Variants in GPHN observed in about 807,000 individuals in gnomAD.
The protein encoded by GPHN is gephyrin.
GPHN carries 17 observed loss-of-function variants against 95.5 expected under a neutral mutation model. The ratio of observed to expected loss-of-function variants is 0.18; its 90% CI spans 0.12 to 0.27. GPHN has a LOEUF of 0.27. Ranked by LOEUF, GPHN falls within the 10% of genes least tolerant of loss-of-function variation. The pLI, the probability that GPHN is intolerant of heterozygous loss-of-function variation, is 1.00. For synonymous variants in GPHN, 320 were observed against 322.5 expected (o/e 0.99, Z 0.08); for missense variants, 660 against 978.1 (o/e 0.67, Z 4.34).
intron 5 of GPHN, among the ~76,000 whole-genome samples, chr14:66,907,309 A>G (rs2065434458): frequency 6.6e-6 from 1 of 152,222 alleles, no homozygotes; most frequent in African/African-American, 2.4e-5. Context: ...TGCTGAGTAA[A>G]AGAAGCCAGT....
Position 66,573,973 on chromosome 14 carries a change from G to A in GPHN, c.64+65382G>A, listed in dbSNP as rs567044866. ...TTTTTTTTTAAATATCCATTCAGCC[G>A]CTCTGTCTTTTGATTCAGGAATCAG... On this transcript the variant is annotated intron_variant, in intron 1 of 22. Transcript: ENST00000478722. Among the ~76,000 whole-genome samples, 8 of 152,042 alleles carry A rather than the reference G, an allele frequency of 5.3e-5. No homozygotes were observed. In the South Asian group the frequency reaches 8.3e-4, roughly 16 times the overall value.
the GPHN span, chr14:67,578,023 T>G: frequency 2.5e-6 from 4 of 1,612,900 alleles, no homozygotes; most frequent in Middle Eastern, 1.7e-4. This position sits in a 1 kb window ranked among gnomAD's most constrained non-coding sequence, Gnocchi z 5.0. Flanking sequence ...TCCCTCCCAG[T>G]CCTGCCAGCT....
the GPHN span, chr14:67,578,647 C>T: frequency 7.9e-6 from 12 of 1,513,328 alleles, no homozygotes; most frequent in African/African-American, 5.5e-5. The surrounding 1 kb of genome is among the most constrained non-coding windows in gnomAD (Gnocchi z 5.0). Flanking sequence ...TGAACCTGGC[C>T]GTTTCCTCTG....
intron 22 of GPHN, 100 bp downstream of exon 22, chr14:67,179,774 A>G: frequency 2.7e-6 from 2 of 745,396 alleles, no homozygotes; most frequent in South Asian, 3.0e-5. Flanking sequence ...TGTAATTATT[A>G]TACATTTTTC....
At chr14:67,600,966 T>C in the GPHN span, among the ~76,000 whole-genome samples, 1 of 152,242 alleles carries the variant, frequency 6.6e-6, no homozygotes, top group Non-Finnish European at 1.5e-5. Context: ...CGGGTATTCA[T>C]TTCACTTACT....
intron 1 of GPHN, among the ~76,000 whole-genome samples, chr14:66,581,655 C>G (rs976271049): frequency 6.6e-6 from 1 of 151,856 alleles, no homozygotes. Context: ...GAGAATCACT[C>G]TCACCTTTAA....
the GPHN span, among the ~76,000 whole-genome samples, chr14:67,202,276 CCTAAAAATACAAAAATTAGCCGGG>C: frequency 6.6e-6 from 1 of 152,158 alleles, no homozygotes; most frequent in South Asian, 2.1e-4. Context: ...CCCCGTCTCT[CCTAAAAATACAAAAATTAGCCGGG>C]CTTGGTGGCA....
the GPHN span, chr14:67,271,432 G>A: frequency 1.3e-5 from 2 of 152,210 alleles, no homozygotes. Context: ...TTCAGAGATG[G>A]GTCAGCCTGG....
At chr14:66,693,707 A>C (rs1007430451) in intron 2 of GPHN, among the ~76,000 whole-genome samples, 1 of 152,174 alleles carries the variant, frequency 6.6e-6, no homozygotes, top group Non-Finnish European at 1.5e-5. Context: ...CTCCTCTGGA[A>C]ACATTCTCAC....
chr14:66,817,502 ATTG>A (rs780656288), intron 3 of GPHN, among the ~76,000 whole-genome samples: 8 of 152,310 alleles, frequency 5.3e-5, no homozygotes, highest in Non-Finnish European at 1.2e-4. Flanking sequence ...TTTGTATTGT[ATTG>A]TTACATTAAA....
intron 1 of GPHN, among the ~76,000 whole-genome samples, chr14:66,592,333 C>A (rs878855924): frequency 1.3e-5 from 2 of 151,868 alleles, no homozygotes; most frequent in East Asian, 1.9e-4. Context: ...AGCTTCTGCA[C>A]AGCAAAAGAA....
At chr14:67,014,017 T>C (rs2073158792) in intron 9 of GPHN, among the ~76,000 whole-genome samples, 1 of 152,070 alleles carries the variant, frequency 6.6e-6, no homozygotes, top group Non-Finnish European at 1.5e-5. Context: ...CAATATTTTC[T>C]GAAAACTTCC....
downstream of GPHN, among the ~76,000 whole-genome samples, chr14:67,183,110 A>G (rs2083346296): frequency 6.6e-6 from 1 of 152,188 alleles, no homozygotes; most frequent in East Asian, 1.9e-4. Flanking sequence ...AATGATAATT[A>G]TTTTATTATA....
chr14:66,691,198 T>A (rs1371365502), intron 2 of GPHN, among the ~76,000 whole-genome samples: 1 of 151,930 alleles, frequency 6.6e-6, no homozygotes, highest in Non-Finnish European at 1.5e-5. Context: ...TTTTTTTTTT[T>A]ATTTTTAGAT....
chr14:67,319,821 TGTATTCAGC>T, the GPHN span, among the ~76,000 whole-genome samples: 1 of 152,222 alleles, frequency 6.6e-6, no homozygotes, highest in African/African-American at 2.4e-5. Flanking sequence ...TGCTAGCCAT[TGTATTCAGC>T]GTATACATTA....
chr14:66,764,771 T>A (rs1002935587), intron 2 of GPHN, among the ~76,000 whole-genome samples: 2 of 152,056 alleles, frequency 1.3e-5, no homozygotes, highest in South Asian at 4.2e-4. Context: ...TAGCACAAAT[T>A]TAAAATATAA....
chr14:66,551,588 A>G (rs1848258492), intron 1 of GPHN, among the ~76,000 whole-genome samples: 1 of 152,208 alleles, frequency 6.6e-6, no homozygotes, highest in South Asian at 2.1e-4. Flanking sequence ...AGACACCTGT[A>G]TTAGTCCATT....
At chr14:67,727,372 T>G in the GPHN span, 1 of 626,992 alleles carries the variant, frequency 1.6e-6, no homozygotes. Flanking sequence ...TAAAATCAAA[T>G]AGGGGTTAAG....
chr14:66,648,926 A>G (rs1282882613), intron 1 of GPHN, among the ~76,000 whole-genome samples: 1 of 152,214 alleles, frequency 6.6e-6, no homozygotes, highest in African/African-American at 2.4e-5. Context: ...GAAATCCCCA[A>G]TACTGAGACA....
Sources: allele counts gnomAD v4.1 joint callset (sites outside exome capture counted in the v4.1 genomes callset), GRCh38; gene constraint gnomAD v4.1.1; non-coding constraint Gnocchi (gnomAD v3.1); transcripts MANE v1.5; gene names NCBI Gene and HGNC (gene_info 2026-07-23, HGNC 2026-07-21).